C2orf78: variants seen among roughly 807,000 people sequenced by gnomAD.
C2orf78 encodes the protein chromosome 2 open reading frame 78.
C2orf78 carries 12 observed loss-of-function variants against 21.4 expected under a neutral mutation model. The observed-to-expected ratio is 0.56, with a 90% CI of 0.36 to 0.91. C2orf78 has a LOEUF of 0.91. Among genes scored for constraint, C2orf78 ranks in the 40% least tolerant of loss-of-function variants. The pLI, the probability that C2orf78 is intolerant of heterozygous loss-of-function variation, is 0.01. For synonymous variants in C2orf78, 396 were observed against 413.9 expected (o/e 0.96, Z 0.52); for missense variants, 1,042 against 1,092.4 (o/e 0.95, Z 0.65).
exon 3 of C2orf78, chr2:73,816,037 T>G (rs142615838): frequency 6.2e-7 from 1 of 1,613,840 alleles, no homozygotes. Context: ...ATTCCCAATA[T>G]GAAACGGAAG....
Position 73,816,480 on chromosome 2 carries a change from C to T in C2orf78, c.2257C>T (p.Arg753Ter), listed in dbSNP as rs1346879373. Residue 753 changes from arginine to a stop codon, truncating the protein, a stop_gained, in exon 3 of 3, where the codon CGA (arginine) becomes TGA (stop). Coordinates refer to ENST00000409561, the Ensembl canonical transcript of C2orf78. LOFTEE classifies it low-confidence loss of function (END_TRUNC). ...TAGGCCTGCTGTGGCTTACCCTGCT[C>T]GACCTGATTCTACTAACTCAGCTCA... The T allele has an allele frequency of 5.6e-6, 9 of 1,613,834 alleles. No homozygotes were observed. The highest frequency in any genetic ancestry group is 7.6e-6 in the Non-Finnish European group (9 of 1,179,886).
chr2:73,813,401 G>A (rs1046881296), intron 1 of C2orf78, 76 bp from the exon 2 acceptor site: 15 of 1,393,072 alleles, frequency 1.1e-5, no homozygotes, highest in Non-Finnish European at 1.3e-5. Context: ...ACAACCTTAA[G>A]ATAATGCTAG....
chr2:73,816,905 C>G (rs1358159274), exon 3 of C2orf78: 2 of 1,613,484 alleles, frequency 1.2e-6, no homozygotes, highest in Non-Finnish European at 1.7e-6. Flanking sequence ...AGAATGCTGC[C>G]AAATACACCT....
chr2:73,814,715 A>AC (rs1187483070), intron 2 of C2orf78, among the ~76,000 whole-genome samples: 1 of 152,182 alleles, frequency 6.6e-6, no homozygotes, highest in Non-Finnish European at 1.5e-5. Context: ...TCTCTACCTT[A>AC]CCCTAGTCCA....
exon 3 of C2orf78, chr2:73,816,201 A>C (rs746354442): frequency 5.0e-6 from 8 of 1,613,788 alleles, no homozygotes; most frequent in Non-Finnish European, 5.9e-6. Context: ...GGGAAGCTCA[A>C]GCAACACCCA....
At chr2:73,815,667 G>A in exon 3 of C2orf78, 2 of 1,613,920 alleles carry the variant, frequency 1.2e-6, no homozygotes, top group Non-Finnish European at 1.7e-6. Flanking sequence ...TGCCATCAAG[G>A]TAAATCAGGT....
intron 1 of C2orf78, among the ~76,000 whole-genome samples, chr2:73,809,351 T>C (rs535121136): frequency 4.4e-4 from 67 of 152,180 alleles, no homozygotes; most frequent in Admixed American, 6.5e-4. Flanking sequence ...TTTAGTGATG[T>C]TTAGTGATGT....
chr2:73,814,053 G>C, exon 2 of C2orf78: 1 of 1,613,868 alleles, frequency 6.2e-7, no homozygotes, highest in Non-Finnish European at 8.5e-7. Context: ...CAACTATCCT[G>C]CCTGCAATCT....
At chr2:73,816,887 A>G (rs562767008) in exon 3 of C2orf78, 1 of 1,613,944 alleles carries the variant, frequency 6.2e-7, no homozygotes, top group East Asian at 2.2e-5. Context: ...AGGCTCAACA[A>G]GAGCGTGAGA....
rs569392756 is a variant in C2orf78 at position 73,814,926 on chromosome 2, C to T, written c.848-145C>T. On this transcript the variant is annotated intron_variant, in intron 2 of 2. Transcript: ENST00000409561. ...TAAGAGAACAGTCACTGCCAATCTC[C>T]TAATACAGGGTCTTGCCCATGGTCC... 1.0e-4 allele frequency: 71 copies of T among 692,576 alleles called. No homozygotes were observed. In the African/African-American group the frequency reaches 1.2e-3, roughly 12 times the overall value. The allele number at this position is 692,576 out of a possible 1,614,324, so 42.9% of individuals were successfully genotyped here. A position where few individuals can be genotyped will look rare whatever the true frequency, so the allele number is the denominator to read the frequency against.
intron 1 of C2orf78, among the ~76,000 whole-genome samples, chr2:73,809,323 C>A (rs931343098): frequency 6.6e-6 from 1 of 152,172 alleles, no homozygotes; most frequent in Admixed American, 6.5e-5. Context: ...ACTAATATTT[C>A]AACTTTCGTA....
chr2:73,784,811 T>C (rs1444452305), intron 1 of C2orf78, among the ~76,000 whole-genome samples: 1 of 151,514 alleles, frequency 6.6e-6, no homozygotes, highest in Non-Finnish European at 1.5e-5. Context: ...TGTAATAGCC[T>C]CCCTCCACTA....
chr2:73,816,802 C>G (rs764517168), exon 3 of C2orf78: 13 of 1,613,894 alleles, frequency 8.1e-6, no homozygotes, highest in African/African-American at 1.3e-5. Context: ...TGGAGGAAAC[C>G]CACTGTTCCT....
intron 1 of C2orf78, among the ~76,000 whole-genome samples, chr2:73,807,108 G>A (rs1192190770): frequency 7.0e-6 from 1 of 142,046 alleles, no homozygotes; most frequent in Admixed American, 6.9e-5. Context: ...GTGAACCTGG[G>A]AGGCAGAGCT....
chr2:73,813,430 A>T, intron 1 of C2orf78, 47 bp from the exon 2 acceptor site: 2 of 1,492,188 alleles, frequency 1.3e-6, no homozygotes, highest in Non-Finnish European at 1.8e-6. Context: ...TAAGGTGAGA[A>T]TTTTTCACTC....
chr2:73,816,613 C>G, exon 3 of C2orf78: 4 of 1,613,002 alleles, frequency 2.5e-6, no homozygotes, highest in Non-Finnish European at 3.4e-6. Flanking sequence ...CCCAGTTCAG[C>G]CAACCCTACC....
chr2:73,785,693 TTC>T (rs1672911651), intron 1 of C2orf78, among the ~76,000 whole-genome samples: 1 of 152,094 alleles, frequency 6.6e-6, no homozygotes, highest in Non-Finnish European at 1.5e-5. Flanking sequence ...AGTCACTTTT[TTC>T]TGTTGCCTTT....
At chr2:73,785,528 T>A (rs1672908615) in intron 1 of C2orf78, among the ~76,000 whole-genome samples, 1 of 146,650 alleles carries the variant, frequency 6.8e-6, no homozygotes, top group African/African-American at 2.6e-5. Flanking sequence ...ATATTTTAAA[T>A]TTGAAAAAAA....
chr2:73,785,781 T>A (rs1185141253), intron 1 of C2orf78, among the ~76,000 whole-genome samples: 1 of 152,030 alleles, frequency 6.6e-6, no homozygotes, highest in Non-Finnish European at 1.5e-5. Context: ...GCTCGGTGGC[T>A]TACACCTGTA....
Sources: gnomAD v4.1 joint callset for allele counts (sites outside exome capture counted in the v4.1 genomes callset) on GRCh38, gnomAD v4.1.1 for gene constraint, MANE v1.5 for transcripts, NCBI Gene and HGNC (gene_info 2026-07-23, HGNC 2026-07-21) for gene names.